Variants in ARMH4 observed in about 807,000 individuals in gnomAD.
ARMH4 encodes armadillo like helical domain containing 4, also known as armadillo-like helical domain-containing protein 4.
In ARMH4, 49 loss-of-function variants were observed where a neutral mutation model predicts 61.9. The ratio of observed to expected loss-of-function variants is 0.79; its 90% CI spans 0.63 to 1.00. The LOEUF (loss-of-function observed/expected upper bound fraction) is 1.00. ARMH4 is among the 50% of genes least tolerant of loss of function. ARMH4 has a pLI of 0.00. For missense variants in ARMH4, 934 were observed against 930.0 expected, an observed-to-expected ratio of 1.00 and a Z score of -0.06; for synonymous variants, 368 against 341.5, an observed-to-expected ratio of 1.08 and a Z score of -0.85.
chr14:58,015,627 T>A (rs1051216813), intron 5 of ARMH4, among the ~76,000 whole-genome samples: 12 of 152,090 alleles, frequency 7.9e-5, no homozygotes, highest in African/African-American at 2.9e-4. Context: ...TAAACAGTTT[T>A]CGGTAAAACA....
chr14:58,043,676 C>A (rs1338032271), intron 5 of ARMH4, among the ~76,000 whole-genome samples: 1 of 152,184 alleles, frequency 6.6e-6, no homozygotes, highest in Non-Finnish European at 1.5e-5. Context: ...TCCCTGTTTG[C>A]AGTTGACATG....
intron 5 of ARMH4, among the ~76,000 whole-genome samples, chr14:58,072,510 G>A (rs1005103896): frequency 2.0e-5 from 3 of 152,056 alleles, no homozygotes; most frequent in African/African-American, 7.2e-5. Flanking sequence ...CCTGAGGTCA[G>A]GAGTTCAAGA....
chr14:58,096,404 G>A (rs751076237), intron 5 of ARMH4, among the ~76,000 whole-genome samples: 2 of 152,204 alleles, frequency 1.3e-5, no homozygotes, highest in African/African-American at 4.8e-5. Flanking sequence ...TCCCAACTGG[G>A]AAGGAAAAAC....
chr14:58,132,581 C>CTT lies in ARMH4; in HGVS notation c.1621+507_1621+508dup, dbSNP rs71448942. 2.6e-3 allele frequency among the ~76,000 whole-genome samples: 226 copies of CTT among 86,030 alleles called. 7 individuals carry two copies. Among genetic ancestry groups the CTT allele is most frequent in the African/African-American group, 4.3e-3 (105 of 24,306 alleles). 56.4% of individuals were successfully genotyped at this position (86,030 alleles called of 152,430 possible). A position where few individuals can be genotyped will look rare whatever the true frequency, so the allele number is the denominator to read the frequency against. On this transcript the variant is annotated intron_variant, in intron 3 of 7. Coordinates refer to ENST00000267485, the MANE Select transcript of ARMH4 (RefSeq NM_001001872.4). ...TTACTTACAAACTAAACCCTTGTCC[C>CTT]TTTTTTTTTTTTTTTTTTTTTTTGG...
chr14:58,151,712 A>T (rs934402728), intron 1 of ARMH4, among the ~76,000 whole-genome samples: 5 of 152,160 alleles, frequency 3.3e-5, no homozygotes, highest in Admixed American at 3.3e-4. Flanking sequence ...TTGCGAGCGG[A>T]GGGAGAAAGA....
At chr14:58,013,178 T>A (rs1428059754) in intron 5 of ARMH4, among the ~76,000 whole-genome samples, 2 of 152,112 alleles carry the variant, frequency 1.3e-5, no homozygotes, top group Non-Finnish European at 2.9e-5. Context: ...TTATGAAGAG[T>A]CAGATAGTTA....
intron 5 of ARMH4, among the ~76,000 whole-genome samples, chr14:58,022,845 C>T (rs558219903): frequency 6.6e-6 from 1 of 152,180 alleles, no homozygotes; most frequent in Non-Finnish European, 1.5e-5. Flanking sequence ...AGTCCCAGAC[C>T]ACCATCATAA....
chr14:58,146,372 C>G (rs1165515190), intron 1 of ARMH4, among the ~76,000 whole-genome samples: 1 of 152,246 alleles, frequency 6.6e-6, no homozygotes, highest in African/African-American at 2.4e-5. Flanking sequence ...GCTTTCTTTT[C>G]ACTGTATCTC....
At position 58,096,770 on chromosome 14, in the gene ARMH4, G is replaced by A. The variant is rs1885764129; in HGVS notation, c.2043C>T (p.Tyr681=). ...GNMDLLEGAT[Y]QVPDALEWEQ... ...CCCACTCGAGGGCATCTGGCACCTG[G>A]TAGGTAGCTCCCTCCAACAGGTCCA... Residue 681 remains tyrosine, a synonymous_variant, in exon 5 of 8, where the codon TAC becomes TAT. Transcript: ENST00000267485. 1 of 1,614,078 alleles carries A rather than the reference G, an allele frequency of 6.2e-7. No individual in the cohort carries two copies. Among genetic ancestry groups the A allele is most frequent in the Non-Finnish European group, 8.5e-7 (1 of 1,180,006 alleles).
Position 58,138,890 on chromosome 14 carries a change from C to T in ARMH4, c.469G>A (p.Val157Ile). ...GTAAGGAGTTCCTCCTTTTCATCAA[C>T]AGTCAGAGAAGGAGTCGCAGTGATA... ...IAITATPSLT[V>I]DEKEELLTST... Residue 157 changes from valine (V) to isoleucine (I), a missense_variant, in exon 2 of 8, where the codon GTT becomes ATT. Transcript: ENST00000267485. 1 of 1,614,228 alleles carries T rather than the reference C, an allele frequency of 6.2e-7. No individual in the cohort carries two copies. Among genetic ancestry groups the T allele is most frequent in the Non-Finnish European group, 8.5e-7 (1 of 1,180,042 alleles).
chr14:58,130,679 A>G (rs142935221), intron 4 of ARMH4, among the ~76,000 whole-genome samples: 66 of 152,342 alleles, frequency 4.3e-4, no homozygotes, highest in Non-Finnish European at 7.8e-4. Context: ...TGTCTTGGAA[A>G]GTACAATTTG....
chr14:58,078,334 TTTTC>T (rs1305609650), intron 5 of ARMH4, among the ~76,000 whole-genome samples: 4 of 152,172 alleles, frequency 2.6e-5, no homozygotes, highest in East Asian at 1.9e-4. Context: ...CATCACTTCT[TTTTC>T]TTTCTATTTT....
chr14:58,025,660 T>C (rs937772732), intron 5 of ARMH4, among the ~76,000 whole-genome samples: 1 of 152,148 alleles, frequency 6.6e-6, no homozygotes, highest in African/African-American at 2.4e-5. Flanking sequence ...ATATAACACA[T>C]TTAAGAATAA....
intron 4 of ARMH4, among the ~76,000 whole-genome samples, chr14:58,121,874 C>T (rs1886735763): frequency 6.6e-6 from 1 of 152,152 alleles, no homozygotes; most frequent in Non-Finnish European, 1.5e-5. Context: ...TTAGATGTTT[C>T]ATGTGTTCGT....
intron 5 of ARMH4, among the ~76,000 whole-genome samples, chr14:58,024,182 A>G (rs1035286188): frequency 6.6e-6 from 1 of 152,212 alleles, no homozygotes; most frequent in African/African-American, 2.4e-5. Context: ...TAAAAGTCCT[A>G]TATAACATCT....
intron 1 of ARMH4, among the ~76,000 whole-genome samples, chr14:58,144,773 CAGG>C (rs1887682701): frequency 6.6e-6 from 1 of 152,006 alleles, no homozygotes; most frequent in African/African-American, 2.4e-5. Flanking sequence ...GAGGCTGAGG[CAGG>C]AGAATGGCGT....
intron 5 of ARMH4, among the ~76,000 whole-genome samples, chr14:58,094,187 G>A (rs1157550810): frequency 6.6e-6 from 1 of 151,836 alleles, no homozygotes; most frequent in Non-Finnish European, 1.5e-5. Flanking sequence ...AAAATTAGCT[G>A]GGCATGGGAG....
At chr14:58,018,778 T>C (rs1292009161) in intron 5 of ARMH4, among the ~76,000 whole-genome samples, 2 of 152,144 alleles carry the variant, frequency 1.3e-5, no homozygotes, top group Non-Finnish European at 2.9e-5. Flanking sequence ...TGGGTACATA[T>C]TCAAAGGAAA....
chr14:58,042,897 A>G (rs1883778309), intron 5 of ARMH4, among the ~76,000 whole-genome samples: 1 of 152,200 alleles, frequency 6.6e-6, no homozygotes, highest in African/African-American at 2.4e-5. Flanking sequence ...TAAACCAGGA[A>G]GAACTTGAAT....
Sources: allele counts gnomAD v4.1 joint callset (sites outside exome capture counted in the v4.1 genomes callset), GRCh38; gene constraint gnomAD v4.1.1; transcripts MANE v1.5; gene names NCBI Gene and HGNC (gene_info 2026-07-23, HGNC 2026-07-21).